KIAA1217: variants seen among roughly 807,000 people sequenced by gnomAD.
KIAA1217 encodes KIAA1217.
KIAA1217 carries 88 observed loss-of-function variants against 163.9 expected under a neutral mutation model. The observed-to-expected ratio is 0.54, with a 90% CI of 0.45 to 0.64. The LOEUF (loss-of-function observed/expected upper bound fraction) is 0.64, where lower values mean the gene tolerates loss of function less well. Among genes scored for constraint, KIAA1217 ranks in the 30% least tolerant of loss-of-function variants. The pLI is 0.00. For synonymous variants in KIAA1217, 903 were observed against 923.1 expected (o/e 0.98, Z 0.39); for missense variants, 2,372 against 2,475.0 (o/e 0.96, Z 0.88).
rs1048620379 is a variant in KIAA1217, at chr10:24,276,014, CT to C, written c.354+56110del. ...CCTCCCCAGTCCTCACTGACCATTT[CT>C]TTTTCCACTCAGTCCTGCTCAGAAT... is the stretch of plus-strand genomic sequence containing the variant. On this transcript the variant is annotated intron_variant, in intron 2 of 20. Coordinates refer to ENST00000376454, the MANE Select transcript of KIAA1217 (RefSeq NM_019590.5). 4.5e-4 allele frequency among the ~76,000 whole-genome samples: 69 copies of C among 152,260 alleles called. 1 individual carries two copies. Among genetic ancestry groups the C allele is most frequent in the African/African-American group, 1.6e-3 (68 of 41,558 alleles).
At chr10:23,758,459 T>C (rs1025876542) in intron 1 of KIAA1217, among the ~76,000 whole-genome samples, 2 of 152,178 alleles carry the variant, frequency 1.3e-5, no homozygotes, top group Non-Finnish European at 2.9e-5. Flanking sequence ...TGTAGCTTCA[T>C]AGCCAGTTTT....
At chr10:24,464,319 C>A (rs1243825248) in intron 5 of KIAA1217, among the ~76,000 whole-genome samples, 1 of 152,072 alleles carries the variant, frequency 6.6e-6, no homozygotes, top group African/African-American at 2.4e-5. Flanking sequence ...TGCCCTGGAG[C>A]ATTTTGAAAG....
intron 2 of KIAA1217, among the ~76,000 whole-genome samples, chr10:24,098,731 G>A (rs1287360975): frequency 7.6e-5 from 11 of 145,218 alleles, no homozygotes; most frequent in African/African-American, 2.8e-4. Context: ...GAGCGTGTGT[G>A]TGTGTGTGTG....
Position 24,469,106 on chromosome 10 carries a change from A to ATATTT in KIAA1217, c.847-4104_847-4100dup, listed in dbSNP as rs139814806. Among the ~76,000 whole-genome samples the ATATTT allele has an allele frequency of 7.2e-3, 1,092 of 151,716 alleles. 19 individuals are homozygous for ATATTT. The highest frequency in any genetic ancestry group is 0.025 in the African/African-American group (1,031 of 41,470). ...TCTGGACAGTTCTATACTCTCTAGA[A>ATATTT]TATTTTATTTTATTTTATTTTACTT... On this transcript the variant is annotated intron_variant, in intron 5 of 20. Transcript: ENST00000376454.
intron 2 of KIAA1217, among the ~76,000 whole-genome samples, chr10:24,350,484 C>G (rs1295529674): frequency 1.3e-5 from 2 of 151,866 alleles, no homozygotes; most frequent in Admixed American, 1.3e-4. Flanking sequence ...TGCCTGGGTG[C>G]ATTTTGAAAG....
intron 1 of KIAA1217, among the ~76,000 whole-genome samples, chr10:23,757,501 A>G (rs1833983244): frequency 6.6e-6 from 1 of 152,026 alleles, no homozygotes; most frequent in Non-Finnish European, 1.5e-5. Context: ...AATGTTAAGC[A>G]TCTTTTCTTT....
chr10:23,758,958 A>T (rs565437585), intron 1 of KIAA1217, among the ~76,000 whole-genome samples: 101 of 152,006 alleles, frequency 6.6e-4, no homozygotes, highest in African/African-American at 2.1e-3. Context: ...TATTTATATT[A>T]AAAAAAGTCA....
intron 2 of KIAA1217, among the ~76,000 whole-genome samples, chr10:24,124,477 A>G (rs1467649691): frequency 2.6e-5 from 4 of 151,946 alleles, no homozygotes; most frequent in African/African-American, 9.7e-5. Context: ...CGCTTGTCCA[A>G]TGTTGAATAG....
intron 2 of KIAA1217, among the ~76,000 whole-genome samples, chr10:24,247,369 A>G (rs144319828): frequency 3.3e-5 from 5 of 152,106 alleles, no homozygotes; most frequent in African/African-American, 7.2e-5. Flanking sequence ...GTCTCAAGCA[A>G]TCCTCTCGCC....
chr10:24,342,642 A>G (rs556778003), intron 2 of KIAA1217, among the ~76,000 whole-genome samples: 6 of 146,852 alleles, frequency 4.1e-5, no homozygotes, highest in Non-Finnish European at 8.9e-5. Context: ...GCTCATGCAG[A>G]TACAACTCAA....
chr10:23,742,159 C>T (rs1267437947), intron 1 of KIAA1217, among the ~76,000 whole-genome samples: 1 of 152,088 alleles, frequency 6.6e-6, no homozygotes, highest in Non-Finnish European at 1.5e-5. Flanking sequence ...GGTGGAGTCG[C>T]TCTGGGGTTT....
intron 2 of KIAA1217, among the ~76,000 whole-genome samples, chr10:24,065,718 A>T (rs1166610913): frequency 6.6e-6 from 1 of 152,138 alleles, no homozygotes; most frequent in Non-Finnish European, 1.5e-5. Context: ...TGTCTCATTG[A>T]TCTGTCTCAT....
intron 2 of KIAA1217, among the ~76,000 whole-genome samples, chr10:24,079,823 G>C (rs2131650391): frequency 1.3e-5 from 2 of 152,282 alleles, no homozygotes; most frequent in Middle Eastern, 6.8e-3. Flanking sequence ...CAACTGAATT[G>C]AAACACTGGT....
intron 2 of KIAA1217, among the ~76,000 whole-genome samples, chr10:24,315,764 G>GAA (rs11447202): frequency 0.025 from 3,807 of 150,030 alleles, 166 homozygotes; most frequent in African/African-American, 0.087. Context: ...AACAAAACAA[G>GAA]AAAAAAAAAA....
intron 1 of KIAA1217, among the ~76,000 whole-genome samples, chr10:23,959,246 T>TTAC (rs1844711688): frequency 6.6e-6 from 1 of 152,084 alleles, no homozygotes; most frequent in Non-Finnish European, 1.5e-5. Flanking sequence ...TAATAAAAGA[T>TTAC]ATGCTGGGCA....
At chr10:23,737,252 C>T (rs1588691575) in intron 1 of KIAA1217, among the ~76,000 whole-genome samples, 4 of 152,136 alleles carry the variant, frequency 2.6e-5, no homozygotes, top group Admixed American at 2.6e-4. Flanking sequence ...CAGGCTGGAG[C>T]ACAGTGCATG....
chr10:24,487,030 C>T (rs1421449342), intron 6 of KIAA1217, among the ~76,000 whole-genome samples: 2 of 152,194 alleles, frequency 1.3e-5, no homozygotes, highest in African/African-American at 4.8e-5. Context: ...ACAGTTAATT[C>T]CTGGTCCACT....
At chr10:24,398,734 G>A (rs568635790) in intron 3 of KIAA1217, among the ~76,000 whole-genome samples, 7 of 152,178 alleles carry the variant, frequency 4.6e-5, no homozygotes, top group South Asian at 2.1e-4. Context: ...AGAGTTGAGC[G>A]TGCACAGTGT....
intron 2 of KIAA1217, among the ~76,000 whole-genome samples, chr10:24,117,646 T>C (rs759547216): frequency 2.0e-5 from 3 of 152,072 alleles, no homozygotes; most frequent in Admixed American, 6.6e-5. Flanking sequence ...AAAATAAAAA[T>C]TAAAAAAGTG....
Sources: gnomAD v4.1 joint callset for allele counts (sites outside exome capture counted in the v4.1 genomes callset) on GRCh38, gnomAD v4.1.1 for gene constraint, MANE v1.5 for transcripts, NCBI Gene and HGNC (gene_info 2026-07-23, HGNC 2026-07-21) for gene names.